Variants in DLGAP2 observed in about 807,000 individuals in gnomAD.
DLGAP2 encodes the protein DLG associated protein 2, also known as disks large-associated protein 2.
A neutral mutation model predicts 100.3 loss-of-function variants in DLGAP2; 26 were observed. The ratio of observed to expected loss-of-function variants is 0.26; its 90% CI spans 0.19 to 0.36. The LOEUF (loss-of-function observed/expected upper bound fraction) is 0.36. DLGAP2 is among the 10% of genes least tolerant of loss of function. DLGAP2 has a pLI of 1.00. For missense variants in DLGAP2, 1,858 were observed against 1,453.2 expected, an observed-to-expected ratio of 1.28 and a Z score of -4.53; for synonymous variants, 886 against 630.1, an observed-to-expected ratio of 1.41 and a Z score of -6.08.
At chr8:1,601,945 G>GGGGT (rs1554506577) in intron 6 of DLGAP2, among the ~76,000 whole-genome samples, 3 of 146,348 alleles carry the variant, frequency 2.0e-5, no homozygotes, top group African/African-American at 5.1e-5. Context: ...AATTTAACAG[G>GGGGT]GTGTGTGTGT....
chr8:1,392,458 T>G (rs1344480736), intron 3 of DLGAP2, among the ~76,000 whole-genome samples: 1 of 152,230 alleles, frequency 6.6e-6, no homozygotes, highest in Non-Finnish European at 1.5e-5. Flanking sequence ...CCCGTTCCGC[T>G]GACTTGGACG....
intron 2 of DLGAP2, among the ~76,000 whole-genome samples, chr8:1,219,680 G>C (rs901919312): frequency 6.6e-6 from 1 of 151,972 alleles, no homozygotes; most frequent in Non-Finnish European, 1.5e-5. Context: ...GAATAGTTTT[G>C]TTGGTTTTGT....
chr8:1,080,848 C>T (rs191433837), intron 2 of DLGAP2, among the ~76,000 whole-genome samples: 19 of 152,274 alleles, frequency 1.2e-4, no homozygotes, highest in African/African-American at 4.1e-4. Context: ...AGGCTACTTT[C>T]TCATACTGGA....
chr8:968,831 T>C (rs1013522284), intron 2 of DLGAP2, among the ~76,000 whole-genome samples: 2 of 152,136 alleles, frequency 1.3e-5, no homozygotes, highest in South Asian at 4.1e-4. Context: ...TGGATCCACG[T>C]ATAATGGATC....
chr8:870,191 G>A (rs1449393395), intron 1 of DLGAP2, among the ~76,000 whole-genome samples: 1 of 152,056 alleles, frequency 6.6e-6, no homozygotes, highest in Non-Finnish European at 1.5e-5. Context: ...CCAAAATGTG[G>A]ATATTTTCCA....
chr8:785,366 C>T (rs1281188564), intron 1 of DLGAP2, among the ~76,000 whole-genome samples: 2 of 151,476 alleles, frequency 1.3e-5, no homozygotes, highest in African/African-American at 2.4e-5. Flanking sequence ...AGGCCGGGCC[C>T]CTGCACCTCA....
chr8:1,354,632 C>T (rs1801808064), intron 3 of DLGAP2, among the ~76,000 whole-genome samples: 1 of 150,066 alleles, frequency 6.7e-6, no homozygotes, highest in African/African-American at 2.5e-5. Context: ...GGTGGAAAGT[C>T]ACGGATGATG....
At chr8:1,024,306 CG>C (rs2129025686) in intron 2 of DLGAP2, among the ~76,000 whole-genome samples, 2 of 141,436 alleles carry the variant, frequency 1.4e-5, no homozygotes, top group Admixed American at 6.9e-5. Flanking sequence ...AGTCCCGTGC[CG>C]AGGCAGACAC....
chr8:791,444 A>G lies in DLGAP2; in HGVS notation c.18+53619A>G, dbSNP rs142899767. Among the ~76,000 whole-genome samples the G allele has an allele frequency of 5.8e-4, 89 of 152,330 alleles. No homozygotes were observed. The East Asian group carries it at 8.9e-3, about 15-fold the overall frequency. On this transcript the variant is annotated intron_variant, in intron 1 of 14. Transcript: ENST00000637795. ...AAATATTGTAGATATTCAGAGTTGA[A>G]TACTGAATTTCTTTTCACCCTTCAA...
At chr8:1,427,032 G>C (rs184327844) in intron 3 of DLGAP2, among the ~76,000 whole-genome samples, 23 of 152,202 alleles carry the variant, frequency 1.5e-4, no homozygotes, top group South Asian at 4.2e-4. Flanking sequence ...GGCTTCAATA[G>C]GTAAAAGGTG....
At position 1,341,698 on chromosome 8, in the gene DLGAP2, C is replaced by T. The variant is rs577708159; in HGVS notation, c.106+82815C>T. 3.3e-5 allele frequency among the ~76,000 whole-genome samples: 5 copies of T among 152,296 alleles called. No homozygotes were observed. The South Asian group carries it at 1.0e-3, about 32-fold the overall frequency. On this transcript the variant is annotated intron_variant, in intron 3 of 14. Coordinates refer to ENST00000637795, the MANE Select transcript of DLGAP2 (RefSeq NM_001346810.2). Reference sequence around the variant, plus strand: ...GGGAAACAGAGATGAGCCCCTGACCCTCTGGTGTCTCCCATCACTGCCCGC... The same window carrying T: ...GGGAAACAGAGATGAGCCCCTGACCTTCTGGTGTCTCCCATCACTGCCCGC...
chr8:757,153 C>T (rs1005399245), intron 1 of DLGAP2, among the ~76,000 whole-genome samples: 9 of 152,146 alleles, frequency 5.9e-5, no homozygotes, highest in African/African-American at 1.9e-4. Context: ...TGTCCCCTTC[C>T]CTTTGCCATC....
chr8:1,544,297 C>T (rs977008410), intron 4 of DLGAP2, among the ~76,000 whole-genome samples: 2 of 152,132 alleles, frequency 1.3e-5, no homozygotes, highest in Non-Finnish European at 2.9e-5. Context: ...TTTTGGGTTT[C>T]TCATTGCTAA....
At chr8:777,971 T>C (rs1821573563) in intron 1 of DLGAP2, among the ~76,000 whole-genome samples, 1 of 152,156 alleles carries the variant, frequency 6.6e-6, no homozygotes, top group Non-Finnish European at 1.5e-5. Flanking sequence ...ATTCTCCCCA[T>C]CACTTTCAGG....
chr8:801,051 T>G (rs1261638715), intron 1 of DLGAP2, among the ~76,000 whole-genome samples: 4 of 133,466 alleles, frequency 3.0e-5, no homozygotes, highest in African/African-American at 1.2e-4. Flanking sequence ...CCTGTTGATA[T>G]TAACCTCTCA....
intron 8 of DLGAP2, among the ~76,000 whole-genome samples, chr8:1,633,508 C>G (rs1053894958): frequency 2.6e-5 from 4 of 152,202 alleles, no homozygotes; most frequent in African/African-American, 9.7e-5. Context: ...ATCATTAATG[C>G]AGATGCACTA....
intron 1 of DLGAP2, among the ~76,000 whole-genome samples, chr8:853,524 A>G (rs2128988147): frequency 1.3e-5 from 2 of 152,240 alleles, no homozygotes; most frequent in East Asian, 3.9e-4. Flanking sequence ...ATCCCCCACG[A>G]CATCCAAGTT....
chr8:1,353,078 C>T lies in DLGAP2; in HGVS notation c.106+94195C>T, dbSNP rs899167784. Among the ~76,000 whole-genome samples, 5 of 152,280 alleles carry T rather than the reference C, an allele frequency of 3.3e-5. No individual in the cohort carries two copies. The East Asian group carries it at 7.7e-4, about 24-fold the overall frequency. Reference sequence around the variant, plus strand: ...ATGAGCTGCCTTGAACAGCAAGAAACGACGAAGGACCCCCCCGAGGTCAGT... The same window carrying T: ...ATGAGCTGCCTTGAACAGCAAGAAATGACGAAGGACCCCCCCGAGGTCAGT... On this transcript the variant is annotated intron_variant, in intron 3 of 14. Coordinates refer to ENST00000637795, the MANE Select transcript of DLGAP2 (RefSeq NM_001346810.2).
At chr8:1,286,401 C>T (rs761181110) in intron 3 of DLGAP2, among the ~76,000 whole-genome samples, 4 of 152,142 alleles carry the variant, frequency 2.6e-5, no homozygotes, top group Admixed American at 6.5e-5. Context: ...ATATAGAAAT[C>T]GAAATGCAAA....
Sources: allele counts gnomAD v4.1 joint callset (sites outside exome capture counted in the v4.1 genomes callset), GRCh38; gene constraint gnomAD v4.1.1; transcripts MANE v1.5; gene names NCBI Gene and HGNC (gene_info 2026-07-23, HGNC 2026-07-21).